The following SMARCA4 variants were observed in gnomAD, a reference collection of about 807,000 sequenced individuals.
The protein encoded by SMARCA4 is SWI/SNF related BAF chromatin remodeling complex subunit ATPase 4.
SMARCA4 carries 31 observed loss-of-function variants against 193.9 expected under a neutral mutation model. The observed-to-expected ratio is 0.16, with a 90% CI of 0.12 to 0.22. SMARCA4 has a LOEUF of 0.22. SMARCA4 is among the 10% of genes least tolerant of loss of function. The pLI is 1.00. For synonymous variants in SMARCA4, 942 were observed against 933.1 expected (o/e 1.01, Z -0.17); for missense variants, 1,148 against 2,296.0 (o/e 0.50, Z 10.22).
rs768651929 is a variant in SMARCA4 at position 11,041,474 on chromosome 19, G to A, written c.4338G>A (p.Pro1446=). ...AGAAGCAGAAGAAGCGCGGGCGGCC[G>A]CCTGCCGAGAAACTCTCCCCTAACC... is the stretch of plus-strand genomic sequence containing the variant. ...ESKKQKKRGR[P]PAEKLSPNPP... Residue 1446 remains proline (P), a synonymous_variant, in exon 30 of 35, where the codon CCG becomes CCA. Coordinates refer to ENST00000344626, the MANE Select transcript of SMARCA4 (RefSeq NM_003072.5). This position sits in a 1 kb window ranked among gnomAD's most constrained non-coding sequence, Gnocchi z 5.6. The A allele has an allele frequency of 1.2e-5, 19 of 1,608,966 alleles. No homozygotes were observed. Among genetic ancestry groups the A allele is most frequent in the Middle Eastern group, 1.6e-4 (1 of 6,068 alleles).
intron 14 of SMARCA4, 56 bp downstream of exon 14, chr19:11,008,079 TG>T (rs2088418138): frequency 7.0e-6 from 11 of 1,580,902 alleles, no homozygotes; most frequent in Non-Finnish European, 9.5e-6. Flanking sequence ...GTGGCGCTGG[TG>T]GGAGTGGCTA....
chr19:11,040,159 C>T (rs1461953295), intron 29 of SMARCA4: 1 of 152,154 alleles, frequency 6.6e-6, no homozygotes, highest in African/African-American at 2.4e-5. Flanking sequence ...CCTGTAATCC[C>T]AGGTACTTGG....
At chr19:10,976,514 C>G (rs1599868958) in intron 1 of SMARCA4, among the ~76,000 whole-genome samples, 1 of 151,990 alleles carries the variant, frequency 6.6e-6, no homozygotes, top group South Asian at 2.1e-4. Flanking sequence ...CTAGCACTTT[C>G]GGAGGTTGAG....
Position 11,024,252 on chromosome 19 carries a change from G to A in SMARCA4, c.2974-79G>A, listed in dbSNP as rs74833335. 605 of 942,158 alleles carry A rather than the reference G, an allele frequency of 6.4e-4. 4 individuals carry two copies. In the East Asian group the frequency reaches 8.5e-3, roughly 13 times the overall value. The allele number at this position is 942,158 out of a possible 1,614,324, so 58.4% of individuals were successfully genotyped here. Reference sequence around the variant, plus strand: ...AGAGCTCATATGACAGGGCCGAGGGGGTCAGAGCTGGGTTCGGATGGGGGG... The same window carrying A: ...AGAGCTCATATGACAGGGCCGAGGGAGTCAGAGCTGGGTTCGGATGGGGGG... On this transcript the variant is annotated intron_variant, in intron 20 of 34. Transcript: ENST00000344626.
At chr19:10,971,946 G>A (rs1216410088) in intron 1 of SMARCA4, among the ~76,000 whole-genome samples, 4 of 149,706 alleles carry the variant, frequency 2.7e-5, no homozygotes, top group African/African-American at 9.8e-5. Context: ...GCACCACCAC[G>A]CTTGGCTAAT....
At position 10,979,847 on chromosome 19, in the gene SMARCA4, G is replaced by A. The variant is rs540346130; in HGVS notation, c.-31-4274G>A. On this transcript the variant is annotated intron_variant, in intron 1 of 34. Transcript: ENST00000344626. ...TTCCCTGGGAGAGTGGTATTGACTG[G>A]GGGGGCCCAAGAATGCCTTCTGGAA... Among the ~76,000 whole-genome samples the A allele has an allele frequency of 4.6e-5, 7 of 152,166 alleles. No homozygotes were observed. In the South Asian group the frequency reaches 1.2e-3, roughly 27 times the overall value.
chr19:11,043,249 A>G (rs896606223), intron 30 of SMARCA4, among the ~76,000 whole-genome samples: 2 of 152,192 alleles, frequency 1.3e-5, no homozygotes, highest in African/African-American at 4.8e-5. Context: ...AGATCACATC[A>G]GTGCACTCCA....
rs1555773425 is a variant in SMARCA4, at chr19:11,010,537, G to C, written c.2274+6G>C. ...GTGTCCTCAAACAGTACCAGGTGAG[G>C]TAGGGGGTGGGGAGGCCACCGCCAC... On this transcript the variant is annotated splice_donor_region_variant and intron_variant, in intron 15 of 34. Coordinates refer to ENST00000344626, the MANE Select transcript of SMARCA4 (RefSeq NM_003072.5). The C allele has an allele frequency of 1.2e-6, 2 of 1,613,278 alleles. No homozygotes were observed. The highest frequency in any genetic ancestry group is 1.1e-5 in the South Asian group (1 of 91,086).
At chr19:10,966,843 G>T (rs899282146) in intron 1 of SMARCA4, among the ~76,000 whole-genome samples, 1 of 151,016 alleles carries the variant, frequency 6.6e-6, no homozygotes, top group African/African-American at 2.4e-5. Context: ...AGCCGAGATC[G>T]TGCCGCTGCA....
At position 10,971,517 on chromosome 19, in the gene SMARCA4, C is replaced by T. The variant is rs1225336083; in HGVS notation, c.-32+10343C>T. 1.1e-4 allele frequency among the ~76,000 whole-genome samples: 16 copies of T among 145,740 alleles called. No individual in the cohort carries two copies. The Admixed American group carries it at 1.1e-3, about 10-fold the overall frequency. On this transcript the variant is annotated intron_variant, in intron 1 of 34. Coordinates refer to ENST00000344626, the MANE Select transcript of SMARCA4 (RefSeq NM_003072.5). Reference sequence around the variant, plus strand: ...TTTTTTTTTTTTTTTCTCTTTGAGACAAGGTCTTGGTCTGTCACCCAGCGG... The same window carrying T: ...TTTTTTTTTTTTTTTCTCTTTGAGATAAGGTCTTGGTCTGTCACCCAGCGG...
intron 30 of SMARCA4, among the ~76,000 whole-genome samples, chr19:11,053,838 G>C (rs1325293845): frequency 2.0e-5 from 3 of 152,188 alleles, no homozygotes; most frequent in African/African-American, 7.2e-5. Flanking sequence ...ATGAGCCCAG[G>C]AGTTGGAGGC....
intron 1 of SMARCA4, among the ~76,000 whole-genome samples, chr19:10,971,212 A>G (rs1188519979): frequency 2.6e-5 from 4 of 152,020 alleles, no homozygotes; most frequent in African/African-American, 9.7e-5. Context: ...AAAAAAAAAG[A>G]AACAGAGTGT....
At chr19:11,007,693 C>T (rs1247358017) in intron 13 of SMARCA4, among the ~76,000 whole-genome samples, 1 of 151,912 alleles carries the variant, frequency 6.6e-6, no homozygotes, top group African/African-American at 2.4e-5. Context: ...TGGGCAACAT[C>T]CTGAGACTCC....
chr19:11,026,497 C>CTTTTTTTT, intron 23 of SMARCA4, 151 bp downstream of exon 23: 1 of 414,910 alleles, frequency 2.4e-6, no homozygotes, highest in Non-Finnish European at 4.4e-6. Context: ...TAATACAAAT[C>CTTTTTTTT]TTTTTTTTTT....
chr19:10,978,144 A>T (rs137872850), intron 1 of SMARCA4, among the ~76,000 whole-genome samples: 66 of 152,310 alleles, frequency 4.3e-4, no homozygotes, highest in Middle Eastern at 6.8e-3. Flanking sequence ...AGACATCCTC[A>T]GCAGTTGTAA....
rs370098481 is a variant in SMARCA4 at position 10,986,166 on chromosome 19, A to C, written c.356-23A>C. ...CACAGACATATGCTGCCGAGTGACC[A>C]GTGGGCTGACCTTTCTCTGCAGGTT... On this transcript the variant is annotated intron_variant, in intron 3 of 34. Coordinates refer to ENST00000344626, the MANE Select transcript of SMARCA4 (RefSeq NM_003072.5). The surrounding 1 kb of genome is among the most constrained non-coding windows in gnomAD (Gnocchi z 6.7). 1 of 1,585,928 alleles carries C rather than the reference A, an allele frequency of 6.3e-7. No homozygotes were observed. The highest frequency in any genetic ancestry group is 1.7e-5 in the Admixed American group (1 of 59,972).
At chr19:11,012,573 C>T (rs2088954269) in intron 15 of SMARCA4, 1 of 320,270 alleles carries the variant, frequency 3.1e-6, no homozygotes, top group Non-Finnish European at 6.1e-6. Flanking sequence ...ACGAAGTCGC[C>T]CTGAAGCCCT....
intron 14 of SMARCA4, 44 bp from the exon 15 acceptor site, chr19:11,010,337 A>T (rs2088700608): frequency 4.4e-6 from 7 of 1,608,762 alleles, no homozygotes; most frequent in Non-Finnish European, 5.9e-6. Flanking sequence ...ATTGTCACAG[A>T]TAGGAATGTG....
intron 11 of SMARCA4, among the ~76,000 whole-genome samples, chr19:11,002,722 G>A (rs942670810): frequency 7.3e-5 from 11 of 150,250 alleles, no homozygotes; most frequent in Non-Finnish European, 3.0e-5. Context: ...GAACCCAGGA[G>A]GCAGAGGTTG....
Sources: allele counts gnomAD v4.1 joint callset (sites outside exome capture counted in the v4.1 genomes callset), GRCh38; gene constraint gnomAD v4.1.1; non-coding constraint Gnocchi (gnomAD v3.1); transcripts MANE v1.5; gene names NCBI Gene and HGNC (gene_info 2026-07-23, HGNC 2026-07-21).